NPFFR1: variants seen among roughly 807,000 people sequenced by gnomAD.
NPFFR1 encodes the protein neuropeptide FF receptor 1, also known as G-protein coupled receptor 147.
A neutral mutation model predicts 12.7 loss-of-function variants in NPFFR1; 17 were observed. That is an observed-to-expected ratio of 1.34 (90% CI 0.92 to 2.01). The LOEUF (loss-of-function observed/expected upper bound fraction) is 2.01, where lower values mean the gene tolerates loss of function less well. Ranked by LOEUF, NPFFR1 falls within the 30% of genes most tolerant of loss-of-function variation. The probability of loss-of-function intolerance (pLI) is 0.00; values close to 1 mark genes in which losing one functional copy is unlikely to be tolerated. For missense variants in NPFFR1, 604 were observed against 606.5 expected (o/e 1.00, Z 0.04); for synonymous variants, 296 against 264.5 (o/e 1.12, Z -1.16).
intron 3 of NPFFR1, among the ~76,000 whole-genome samples, chr10:70,257,320 T>A (rs1298651806): frequency 6.6e-6 from 1 of 152,200 alleles, no homozygotes; most frequent in African/African-American, 2.4e-5. Context: ...AATTTGTAGC[T>A]TTGCCCCAGC....
chr10:70,277,190 A>G (rs879832261), intron 1 of NPFFR1, among the ~76,000 whole-genome samples: 2 of 152,142 alleles, frequency 1.3e-5, no homozygotes, highest in Non-Finnish European at 2.9e-5. Context: ...GACCCTTCCC[A>G]TTCTTCCCTC....
At chr10:70,276,875 T>C (rs534451790) in intron 1 of NPFFR1, among the ~76,000 whole-genome samples, 1 of 152,222 alleles carries the variant, frequency 6.6e-6, no homozygotes, top group East Asian at 1.9e-4. Flanking sequence ...ACTAATTCTT[T>C]ATGTTTGTGT....
chr10:70,262,717 T>C (rs995446055), intron 2 of NPFFR1, among the ~76,000 whole-genome samples: 7 of 152,234 alleles, frequency 4.6e-5, no homozygotes, highest in Non-Finnish European at 1.0e-4. Context: ...TGAACTCATG[T>C]TAATACACAT....
At chr10:70,269,514 A>G (rs1183655666) in intron 1 of NPFFR1, among the ~76,000 whole-genome samples, 1 of 141,104 alleles carries the variant, frequency 7.1e-6, no homozygotes, top group Non-Finnish European at 1.5e-5. Flanking sequence ...TCCCCACTGC[A>G]TTTTTTTTTT....
chr10:70,259,367 A>C (rs926512114), intron 3 of NPFFR1, among the ~76,000 whole-genome samples: 1 of 152,180 alleles, frequency 6.6e-6, no homozygotes, highest in South Asian at 2.1e-4. Context: ...AGTGCTGGCT[A>C]TGAATGCAAT....
intron 1 of NPFFR1, 86 bp from the exon 2 acceptor site, chr10:70,266,477 CA>C (rs1840692927): frequency 3.6e-6 from 4 of 1,100,170 alleles, no homozygotes; most frequent in Admixed American, 4.9e-5. Flanking sequence ...CTCTGTGTGC[CA>C]AACCTTAACC....
In NPFFR1 at chr10:70,253,370, G is replaced by A. The variant is rs1840530151; in HGVS notation, c.*1587C>T. ...CCCGTCATCCCCACCTTCCTTGAAA[G>A]GCAGCATGTGGGGTGGGAAGAACAA... is the stretch of plus-strand genomic sequence containing the variant. On this transcript the variant is annotated 3_prime_UTR_variant, in exon 4 of 4. Transcript: ENST00000277942. 2 of 152,162 alleles carry A rather than the reference G, an allele frequency of 1.3e-5. No homozygotes were observed. The highest frequency in any genetic ancestry group is 4.8e-5 in the African/African-American group (2 of 41,430). 9.4% of individuals were successfully genotyped at this position (152,162 alleles called of 1,614,324 possible).
Position 70,248,472 on chromosome 10 carries a change from T to TTTTTG in NPFFR1, c.*6484_*6485insCAAAA, listed in dbSNP as rs1564591128. ...TACGTAGTACTATGCCTGGCGTTTT[T>TTTTTG]TTTTTGTTTTTTGTTTTTTTTTTTT... On this transcript the variant is annotated 3_prime_UTR_variant, in exon 4 of 4. Transcript: ENST00000277942. 1.4e-5 allele frequency: 1 copy of TTTTTG among 72,702 alleles called. No homozygotes were observed. The highest frequency in any genetic ancestry group is 3.0e-5 in the Non-Finnish European group (1 of 33,294). 4.5% of individuals were successfully genotyped at this position (72,702 alleles called of 1,614,324 possible). A position where few individuals can be genotyped will look rare whatever the true frequency, so the allele number is the denominator to read the frequency against.
chr10:70,257,939 A>G (rs201944359), intron 3 of NPFFR1, among the ~76,000 whole-genome samples: 89 of 152,262 alleles, frequency 5.8e-4, no homozygotes, highest in South Asian at 5.8e-3. Flanking sequence ...TAATTATGAC[A>G]TAGATTCTAT....
At chr10:70,283,071 A>C (rs1374429529) in intron 1 of NPFFR1, among the ~76,000 whole-genome samples, 1 of 151,924 alleles carries the variant, frequency 6.6e-6, no homozygotes, top group Non-Finnish European at 1.5e-5. Context: ...GTCTCAAATG[A>C]TTCTCTGCTC....
At chr10:70,273,555 G>T (rs1167325257) in intron 1 of NPFFR1, among the ~76,000 whole-genome samples, 2 of 152,062 alleles carry the variant, frequency 1.3e-5, no homozygotes, top group African/African-American at 4.8e-5. Context: ...TCAGGTTTTG[G>T]GCTCACCCTG....
chr10:70,272,154 A>G (rs1320694185), intron 1 of NPFFR1, among the ~76,000 whole-genome samples: 2 of 143,332 alleles, frequency 1.4e-5, no homozygotes, highest in East Asian at 2.1e-4. Flanking sequence ...AAAGGGAGAG[A>G]GAGAGAGAGA....
At chr10:70,257,891 T>C (rs1035278334) in intron 3 of NPFFR1, among the ~76,000 whole-genome samples, 17 of 152,334 alleles carry the variant, frequency 1.1e-4, no homozygotes, top group Non-Finnish European at 2.2e-4. Flanking sequence ...TAAATCTGGC[T>C]TACGTGCACG....
At chr10:70,259,212 G>A (rs1035814903) in intron 3 of NPFFR1, among the ~76,000 whole-genome samples, 3 of 151,918 alleles carry the variant, frequency 2.0e-5, no homozygotes, top group East Asian at 1.9e-4. Flanking sequence ...CTTGAACCCG[G>A]GAGGCAGAGG....
intron 1 of NPFFR1, among the ~76,000 whole-genome samples, chr10:70,271,028 G>C (rs10762355): frequency 0.46 from 70,391 of 152,010 alleles, 16,395 homozygotes; most frequent in Non-Finnish European, 0.49. Context: ...CCTTGGGACT[G>C]GGGCCTAGCT....
rs1424384035 is a variant in NPFFR1, at chr10:70,254,391, A to G, written c.*566T>C. The stretch of plus-strand genomic sequence containing the variant: ...CGGGGGCACACCGTGTTCTTCTAGA[A>G]AAGGATCAAGGGGAGTGGCTTCAGT... On this transcript the variant is annotated 3_prime_UTR_variant, in exon 4 of 4. Transcript: ENST00000277942. 6.6e-6 allele frequency: 1 copy of G among 152,358 alleles called. No homozygotes were observed. Among genetic ancestry groups the G allele is most frequent in the Non-Finnish European group, 1.5e-5 (1 of 68,138 alleles). The allele number at this position is 152,358 out of a possible 1,614,324, so 9.4% of individuals were successfully genotyped here. A position where few individuals can be genotyped will look rare whatever the true frequency, so the allele number is the denominator to read the frequency against.
chr10:70,261,186 C>T (rs1456102206), intron 2 of NPFFR1, among the ~76,000 whole-genome samples: 1 of 152,062 alleles, frequency 6.6e-6, no homozygotes, highest in Non-Finnish European at 1.5e-5. Flanking sequence ...TGGTTTCCTC[C>T]ATGCTATTCT....
chr10:70,272,158 AG>A (rs1840750195), intron 1 of NPFFR1, among the ~76,000 whole-genome samples: 1 of 140,230 alleles, frequency 7.1e-6, no homozygotes, highest in Non-Finnish European at 1.6e-5. Flanking sequence ...GGAGAGAGAG[AG>A]AGAGAAAGAA....
At position 70,266,271 on chromosome 10, in the gene NPFFR1, G is replaced by A. The variant is rs758202872; in HGVS notation, c.128C>T (p.Ala43Val). 58 of 1,613,682 alleles carry A rather than the reference G, an allele frequency of 3.6e-5. No individual in the cohort carries two copies. Among genetic ancestry groups the A allele is most frequent in the African/African-American group, 6.7e-5 (5 of 74,920 alleles). The change falls in exon 2 of 4, where the codon GCG becomes GTG. Residue 43 changes from alanine to valine, a missense_variant. Transcript: ENST00000277942. ...CGCATAGGCCACAATGAACATGGCC[G>A]CCACAGGGGAGGTGTGCTGATAGTA... ...SSYYQHTSPV[A>V]AMFIVAYALI...
Sources: gnomAD v4.1 joint callset for allele counts (sites outside exome capture counted in the v4.1 genomes callset) on GRCh38, gnomAD v4.1.1 for gene constraint, MANE v1.5 for transcripts, NCBI Gene and HGNC (gene_info 2026-07-23, HGNC 2026-07-21) for gene names.